PAIP2B: variants seen among roughly 807,000 people sequenced by gnomAD.
PAIP2B encodes polyadenylate-binding protein-interacting protein 2B.
PAIP2B carries 13 observed loss-of-function variants against 17.0 expected under a neutral mutation model. That is an observed-to-expected ratio of 0.76 (90% CI 0.50 to 1.22). The LOEUF (loss-of-function observed/expected upper bound fraction) is 1.22, where lower values mean the gene tolerates loss of function less well. Ranked by LOEUF, PAIP2B falls within the 50% of genes most tolerant of loss-of-function variation. PAIP2B has a pLI of 0.00. For missense variants in PAIP2B, 117 were observed against 144.5 expected (o/e 0.81, Z 0.98); for synonymous variants, 43 against 48.7 (o/e 0.88, Z 0.48).
intron 1 of PAIP2B, among the ~76,000 whole-genome samples, chr2:71,209,722 C>T (rs1273891173): frequency 6.6e-6 from 1 of 152,170 alleles, no homozygotes; most frequent in African/African-American, 2.4e-5. Flanking sequence ...TTTATTCTTT[C>T]AGTTTTTCAC....
chr2:71,188,580 T>C, intron 3 of PAIP2B, 45 bp from the exon 4 acceptor site: 1 of 1,502,662 alleles, frequency 6.7e-7, no homozygotes. Flanking sequence ...GCAAGCTGCA[T>C]TTTAAAACTT....
At position 71,215,297 on chromosome 2, in the gene PAIP2B, CA is replaced by C. The variant is rs549141222; in HGVS notation, c.-12+11630del. 6.8e-4 allele frequency among the ~76,000 whole-genome samples: 94 copies of C among 138,930 alleles called. No homozygotes were observed. The South Asian group carries it at 7.7e-3, about 11-fold the overall frequency. 91.1% of individuals were successfully genotyped at this position (138,930 alleles called of 152,430 possible). ...TAGGTGACAGAGCGAGACTTCGTCT[CA>C]AAAAAAAAAAGAAAAAATGCAGACT... On this transcript the variant is annotated intron_variant, in intron 1 of 3. Coordinates refer to ENST00000244221, the MANE Select transcript of PAIP2B (RefSeq NM_020459.1).
chr2:71,227,089 C>T lies in PAIP2B; in HGVS notation c.-173G>A, dbSNP rs141492314. Reference sequence around the variant, plus strand: ...GCGCCACTACCACTTGCCAGGTTATCTCTTACTGCACACTGCCTCCTCGCC... The same window carrying T: ...GCGCCACTACCACTTGCCAGGTTATTTCTTACTGCACACTGCCTCCTCGCC... On this transcript the variant is annotated 5_prime_UTR_variant, in exon 1 of 4. Coordinates refer to ENST00000244221, the MANE Select transcript of PAIP2B (RefSeq NM_020459.1). 6.5e-6 allele frequency: 1 copy of T among 153,152 alleles called. No individual in the cohort carries two copies. The highest frequency in any genetic ancestry group is 1.5e-5 in the Non-Finnish European group (1 of 68,118). 9.5% of individuals were successfully genotyped at this position (153,152 alleles called of 1,614,324 possible).
chr2:71,204,721 C>T (rs1675079612), intron 1 of PAIP2B, among the ~76,000 whole-genome samples: 1 of 152,128 alleles, frequency 6.6e-6, no homozygotes, highest in Non-Finnish European at 1.5e-5. Context: ...GAAACCAGTT[C>T]TTTATTTTTA....
At chr2:71,213,558 G>C (rs1452814637) in intron 1 of PAIP2B, among the ~76,000 whole-genome samples, 1 of 152,216 alleles carries the variant, frequency 6.6e-6, no homozygotes, top group African/African-American at 2.4e-5. Flanking sequence ...CGTACATTCA[G>C]AGTATGAAAG....
At chr2:71,189,385 T>A (rs1486643689) in intron 3 of PAIP2B, among the ~76,000 whole-genome samples, 6 of 152,344 alleles carry the variant, frequency 3.9e-5, no homozygotes, top group Admixed American at 2.0e-4. Context: ...TAATTCTAAG[T>A]GGAGAAAATG....
Position 71,188,514 on chromosome 2 carries a change from C to A in PAIP2B, c.337G>T (p.Asp113Tyr). 1 of 1,610,254 alleles carries A rather than the reference C, an allele frequency of 6.2e-7. No individual in the cohort carries two copies. Among genetic ancestry groups the A allele is most frequent in the Non-Finnish European group, 8.5e-7 (1 of 1,178,264 alleles). ...TCTCCTGGAATAAACTCCTTGGCAT[C>A]TGGGTTCAGGTTACTTTTGCTCTGA... ...DILSKSNLNPDAKEFIPGEKY is the reference protein window; with the variant it reads ...DILSKSNLNPYAKEFIPGEKY Residue 113 changes from aspartate (D) to tyrosine (Y), a missense_variant, in exon 4 of 4, where the codon GAT (aspartate) becomes TAT (tyrosine). Physicochemically the swap from Asp to Tyr is radical, Grantham distance 160. Coordinates refer to ENST00000244221, the MANE Select transcript of PAIP2B (RefSeq NM_020459.1).
intron 1 of PAIP2B, among the ~76,000 whole-genome samples, chr2:71,214,504 T>C (rs1404868117): frequency 6.6e-6 from 1 of 152,202 alleles, no homozygotes; most frequent in Non-Finnish European, 1.5e-5. Context: ...ACTTTTAGGA[T>C]GAGAAACCAA....
chr2:71,221,618 T>C (rs1405072225), intron 1 of PAIP2B, among the ~76,000 whole-genome samples: 2 of 152,254 alleles, frequency 1.3e-5, no homozygotes, highest in Non-Finnish European at 1.5e-5. Context: ...GATTCTTTAT[T>C]AATAATTATC....
intron 2 of PAIP2B, among the ~76,000 whole-genome samples, chr2:71,197,836 C>T (rs1674861439): frequency 1.3e-5 from 2 of 152,294 alleles, no homozygotes; most frequent in African/African-American, 4.8e-5. Flanking sequence ...GACCAATTCA[C>T]TATCATGAGA....
chr2:71,192,459 T>C (rs908181767), intron 2 of PAIP2B, among the ~76,000 whole-genome samples: 1 of 152,142 alleles, frequency 6.6e-6, no homozygotes, highest in Admixed American at 6.6e-5. Context: ...TTACTTTTTT[T>C]TTAATTTTAG....
intron 1 of PAIP2B, among the ~76,000 whole-genome samples, chr2:71,220,363 T>A (rs750002378): frequency 1.6e-4 from 24 of 152,166 alleles, no homozygotes; most frequent in Non-Finnish European, 5.9e-5. Flanking sequence ...GAACCATTTC[T>A]ATTTAACCAT....
chr2:71,217,981 TCACTTGAGCC>T (rs1421545793), intron 1 of PAIP2B, among the ~76,000 whole-genome samples: 3 of 151,978 alleles, frequency 2.0e-5, no homozygotes, highest in Admixed American at 6.6e-5. Context: ...GGCGGGAAAA[TCACTTGAGCC>T]CACGAGTTTG....
intron 1 of PAIP2B, among the ~76,000 whole-genome samples, chr2:71,207,183 A>AG (rs1358438579): frequency 6.6e-6 from 1 of 152,196 alleles, no homozygotes; most frequent in Non-Finnish European, 1.5e-5. Flanking sequence ...AGAAAACAAC[A>AG]GGGGGCCCAA....
chr2:71,198,347 G>A (rs899929548), intron 2 of PAIP2B, among the ~76,000 whole-genome samples: 4 of 149,524 alleles, frequency 2.7e-5, no homozygotes, highest in Admixed American at 6.7e-5. Flanking sequence ...GTGCAGTGGC[G>A]CGATCTCGGC....
In PAIP2B at chr2:71,186,632, C is replaced by G. The variant is rs1009888881; in HGVS notation, c.*1847G>C. The G allele has an allele frequency of 2.0e-5, 3 of 152,360 alleles. No individual in the cohort carries two copies. The highest frequency in any genetic ancestry group is 7.2e-5 in the African/African-American group (3 of 41,588). 9.4% of individuals were successfully genotyped at this position (152,360 alleles called of 1,614,324 possible). On this transcript the variant is annotated 3_prime_UTR_variant, in exon 4 of 4. Coordinates refer to ENST00000244221, the MANE Select transcript of PAIP2B (RefSeq NM_020459.1). ...CTCTATGCACTTGCAATGCCCTTTC[C>G]CTTTTAGAGGAAACAACCCAGCTGA... is the stretch of plus-strand genomic sequence containing the variant.
chr2:71,219,921 A>G (rs1010874696), intron 1 of PAIP2B, among the ~76,000 whole-genome samples: 10 of 152,238 alleles, frequency 6.6e-5, no homozygotes, highest in Admixed American at 2.0e-4. Context: ...TACCATATAC[A>G]CTATGCCATC....
At chr2:71,207,875 A>T (rs1175586088) in intron 1 of PAIP2B, among the ~76,000 whole-genome samples, 1 of 152,104 alleles carries the variant, frequency 6.6e-6, no homozygotes, top group Admixed American at 6.6e-5. Context: ...GCGTGGGGGT[A>T]AAAAAGGTGA....
At chr2:71,199,619 T>A (rs1674927180) in intron 2 of PAIP2B, among the ~76,000 whole-genome samples, 1 of 150,868 alleles carries the variant, frequency 6.6e-6, no homozygotes, top group Non-Finnish European at 1.5e-5. Flanking sequence ...CAGGCTGGAG[T>A]GCAGTGGCGC....
Sources: allele counts gnomAD v4.1 joint callset (sites outside exome capture counted in the v4.1 genomes callset), GRCh38; gene constraint gnomAD v4.1.1; transcripts MANE v1.5; gene names NCBI Gene and HGNC (gene_info 2026-07-23, HGNC 2026-07-21).